The following GCA variants were observed in gnomAD, a reference collection of about 807,000 sequenced individuals.
GCA encodes grancalcin, EF-hand calcium-binding protein.
Under a neutral mutation model 32.6 loss-of-function variants are expected in GCA, and 30 were observed. That is an observed-to-expected ratio of 0.92 (90% CI 0.69 to 1.25). GCA has a LOEUF of 1.25. GCA is among the 50% of genes most tolerant of loss of function. The pLI is 0.00. For synonymous variants in GCA, 102 were observed against 84.6 expected (o/e 1.21, Z -1.13); for missense variants, 291 against 266.8 (o/e 1.09, Z -0.63).
chr2:162,332,937 T>A (rs979019839), intron 1 of GCA, among the ~76,000 whole-genome samples: 14 of 152,110 alleles, frequency 9.2e-5, no homozygotes, highest in Admixed American at 2.0e-4. Flanking sequence ...ACACTTTTTT[T>A]AAAAAGTTCA....
At position 162,359,592 on chromosome 2, in the gene GCA, T is replaced by C. The variant is rs1576301294; in HGVS notation, c.627+40T>C. 3.0e-6 allele frequency: 3 copies of C among 1,007,480 alleles called. No individual in the cohort carries two copies. The East Asian group carries it at 7.5e-5, about 25-fold the overall frequency. 62.4% of individuals were successfully genotyped at this position (1,007,480 alleles called of 1,614,324 possible). ...TTTGATATTTATACTGCATTCTAGA[T>C]AGTTCTCAGTTAGTAAAAAAATTTA... is the stretch of plus-strand genomic sequence containing the variant. On this transcript the variant is annotated intron_variant, in intron 7 of 7. Coordinates refer to ENST00000437150, the MANE Select transcript of GCA (RefSeq NM_012198.5).
At chr2:162,321,165 T>C (rs1019595592) in intron 1 of GCA, among the ~76,000 whole-genome samples, 6 of 152,214 alleles carry the variant, frequency 3.9e-5, no homozygotes, top group Admixed American at 1.3e-4. Flanking sequence ...TTTTTTCATC[T>C]ATATTTTTTG....
Position 162,360,624 on chromosome 2 carries a change from G to A in GCA, c.*381G>A, listed in dbSNP as rs936675861. The stretch of plus-strand genomic sequence containing the variant: ...AAAAACTAATTTATACTTATCTGAA[G>A]GTTACAAATTAGACTTTTAAATTTT... On this transcript the variant is annotated 3_prime_UTR_variant, in exon 8 of 8. Transcript: ENST00000437150. 1.2e-4 allele frequency: 146 copies of A among 1,221,220 alleles called. No homozygotes were observed. Among genetic ancestry groups the A allele is most frequent in the Non-Finnish European group, 1.4e-4 (140 of 970,284 alleles). The allele number at this position is 1,221,220 out of a possible 1,614,324, so 75.6% of individuals were successfully genotyped here.
At chr2:162,319,734 C>T (rs748682158) in intron 1 of GCA, among the ~76,000 whole-genome samples, 2 of 152,184 alleles carry the variant, frequency 1.3e-5, no homozygotes, top group Non-Finnish European at 2.9e-5. Flanking sequence ...GGCACATACG[C>T]ACCATAACTA....
downstream of GCA, among the ~76,000 whole-genome samples, chr2:162,375,311 G>A (rs1686123695): frequency 1.3e-5 from 2 of 152,178 alleles, no homozygotes; most frequent in Admixed American, 1.3e-4. Flanking sequence ...CCAAAAATGA[G>A]TCAAAAATTA....
chr2:162,319,296 T>C (rs1576244846), intron 1 of GCA: 3 of 454,952 alleles, frequency 6.6e-6, no homozygotes, highest in Non-Finnish European at 1.3e-5. Flanking sequence ...CTGGTATTTA[T>C]GCAGCTTTGA....
At chr2:162,331,622 A>G (rs1684087284) in intron 1 of GCA, among the ~76,000 whole-genome samples, 1 of 152,200 alleles carries the variant, frequency 6.6e-6, no homozygotes, top group East Asian at 1.9e-4. Flanking sequence ...CCATCTTGGA[A>G]GCAGAGGCTG....
At chr2:162,368,946 C>A (rs1450228557) in intron 4 of GCA, among the ~76,000 whole-genome samples, 3 of 152,042 alleles carry the variant, frequency 2.0e-5, no homozygotes, top group Non-Finnish European at 1.5e-5. Context: ...CTTTGCCCAG[C>A]AATTAATAAC....
intron 6 of GCA, 112 bp from the exon 7 acceptor site, chr2:162,359,382 C>G: frequency 1.7e-6 from 1 of 593,836 alleles, no homozygotes; most frequent in South Asian, 2.4e-5. Flanking sequence ...GCTATTCAAT[C>G]ACTTAATATT....
chr2:162,356,392 A>G (rs371098835), intron 3 of GCA, 46 bp from the exon 4 acceptor site: 3 of 1,071,100 alleles, frequency 2.8e-6, no homozygotes, highest in African/African-American at 3.1e-5. Flanking sequence ...TTTTACATAG[A>G]TAAAGTTGGG....
At chr2:162,345,267 G>T (rs749235231) in intron 1 of GCA, among the ~76,000 whole-genome samples, 9 of 152,144 alleles carry the variant, frequency 5.9e-5, no homozygotes, top group Non-Finnish European at 1.0e-4. Context: ...CGTCCACTTT[G>T]TAATGCCTAT....
intron 1 of GCA, among the ~76,000 whole-genome samples, chr2:162,324,348 G>A: frequency 6.6e-6 from 1 of 152,154 alleles, no homozygotes; most frequent in East Asian, 1.9e-4. Context: ...GAAGTCAGAA[G>A]GGGATGGAGT....
intron 5 of GCA, among the ~76,000 whole-genome samples, chr2:162,357,427 G>A (rs1576298021): frequency 6.6e-6 from 1 of 151,682 alleles, no homozygotes; most frequent in East Asian, 1.9e-4. Context: ...TGTTCCTAGT[G>A]TACTTTTAAA....
Position 162,360,742 on chromosome 2 carries a change from TC to T in GCA, c.*500del. 7.1e-7 allele frequency: 1 copy of T among 1,400,328 alleles called. No homozygotes were observed. The highest frequency in any genetic ancestry group is 9.3e-7 in the Non-Finnish European group (1 of 1,078,752). 86.7% of individuals were successfully genotyped at this position (1,400,328 alleles called of 1,614,324 possible). ...TATAGTTTGTTCCTTGATCAAATAA[TC>T]AGAGAAAAGAAACTTAAAGATCTTT... On this transcript the variant is annotated 3_prime_UTR_variant, in exon 8 of 8. Coordinates refer to ENST00000437150, the MANE Select transcript of GCA (RefSeq NM_012198.5).
chr2:162,331,785 T>C (rs1684093211), intron 1 of GCA, among the ~76,000 whole-genome samples: 1 of 152,218 alleles, frequency 6.6e-6, no homozygotes, highest in Admixed American at 6.5e-5. Flanking sequence ...ACTGTATATA[T>C]ATAGCTTGCT....
chr2:162,323,212 A>G (rs1287985915), intron 1 of GCA, among the ~76,000 whole-genome samples: 1 of 151,820 alleles, frequency 6.6e-6, no homozygotes, highest in East Asian at 1.9e-4. Flanking sequence ...TCTTCTTTTG[A>G]CAAGTGTCTG....
At position 162,347,685 on chromosome 2, in the gene GCA, CACTT is replaced by C. The variant is rs1478942550; in HGVS notation, c.137_140del (p.Thr46IlefsTer31). ...GATACTCTGGGCCAGCATATTCAGA[CACTT>C]ATTCCTCAGCTGGTGACTCCGTGTA... On this transcript the variant is annotated frameshift_variant, in exon 2 of 8. Transcript: ENST00000437150. LOFTEE classifies it high-confidence loss of function. The C allele has an allele frequency of 1.2e-6, 2 of 1,608,606 alleles. No homozygotes were observed. The highest frequency in any genetic ancestry group is 2.2e-5 in the South Asian group (2 of 90,314).
intron 5 of GCA, 158 bp downstream of exon 5, chr2:162,357,063 AG>A (rs1349100740): frequency 2.0e-6 from 1 of 500,700 alleles, no homozygotes; most frequent in Non-Finnish European, 3.6e-6. Context: ...TTCTGACCAA[AG>A]ACCTCAACAA....
intron 1 of GCA, among the ~76,000 whole-genome samples, chr2:162,330,560 G>GA (rs1684040693): frequency 2.6e-5 from 4 of 152,134 alleles, no homozygotes; most frequent in Admixed American, 2.6e-4. Context: ...CCCTTTTTGT[G>GA]AGCCAAGTGA....
Sources: gnomAD v4.1 joint callset for allele counts (sites outside exome capture counted in the v4.1 genomes callset) on GRCh38, gnomAD v4.1.1 for gene constraint, MANE v1.5 for transcripts, NCBI Gene and HGNC (gene_info 2026-07-23, HGNC 2026-07-21) for gene names.